The following SMOC2 variants were observed in gnomAD, a reference collection of about 807,000 sequenced individuals.
The protein encoded by SMOC2 is SPARC-related modular calcium-binding protein 2.
Under a neutral mutation model 61.4 loss-of-function variants are expected in SMOC2, and 39 were observed. The ratio of observed to expected loss-of-function variants is 0.64; its 90% CI spans 0.49 to 0.83. SMOC2 has a LOEUF of 0.83. SMOC2 is among the 40% of genes least tolerant of loss of function. SMOC2 has a pLI of 0.00. For missense variants in SMOC2, 556 were observed against 592.9 expected (o/e 0.94, Z 0.65); for synonymous variants, 247 against 239.9 (o/e 1.03, Z -0.27).
intron 9 of SMOC2, among the ~76,000 whole-genome samples, chr6:168,649,894 C>T (rs116131535): frequency 5.5e-4 from 84 of 152,296 alleles, no homozygotes; most frequent in African/African-American, 2.0e-3. Context: ...GCACCGGGAA[C>T]GGTCTCAGGA....
chr6:168,507,597 GC>G (rs1278345043), intron 1 of SMOC2, among the ~76,000 whole-genome samples: 1 of 152,178 alleles, frequency 6.6e-6, no homozygotes, highest in African/African-American at 2.4e-5. Flanking sequence ...CCCCCGGGGC[GC>G]CCCCCACTGC....
At chr6:168,611,655 C>T in intron 9 of SMOC2, among the ~76,000 whole-genome samples, 1 of 138,206 alleles carries the variant, frequency 7.2e-6, no homozygotes, top group East Asian at 2.2e-4. Flanking sequence ...CCGTGTCGGG[C>T]CTGGCTGTGG....
intron 4 of SMOC2, among the ~76,000 whole-genome samples, chr6:168,542,175 CTT>C (rs1490351670): frequency 6.6e-6 from 1 of 152,122 alleles, no homozygotes; most frequent in Non-Finnish European, 1.5e-5. Flanking sequence ...AGCTTAAGCT[CTT>C]TAAGAAATGT....
intron 11 of SMOC2, among the ~76,000 whole-genome samples, chr6:168,661,423 G>A (rs1311281595): frequency 6.6e-6 from 1 of 152,106 alleles, no homozygotes; most frequent in Non-Finnish European, 1.5e-5. Flanking sequence ...CCAACATGGT[G>A]AAACCCCGTC....
At chr6:168,541,031 C>G (rs147626076) in intron 4 of SMOC2, among the ~76,000 whole-genome samples, 2 of 152,246 alleles carry the variant, frequency 1.3e-5, no homozygotes, top group Non-Finnish European at 2.9e-5. Flanking sequence ...GTTGTTAAGG[C>G]TGAGAGCGGC....
intron 1 of SMOC2, among the ~76,000 whole-genome samples, chr6:168,484,841 C>T (rs1782292357): frequency 6.6e-6 from 1 of 152,190 alleles, no homozygotes; most frequent in African/African-American, 2.4e-5. Flanking sequence ...TGATAGAAGC[C>T]AGTCACTAAA....
At chr6:168,488,476 G>A (rs1782386430) in intron 1 of SMOC2, among the ~76,000 whole-genome samples, 2 of 152,228 alleles carry the variant, frequency 1.3e-5, no homozygotes, top group Admixed American at 6.5e-5. Flanking sequence ...AGCTCCTCCT[G>A]GGGCTGTGAA....
intron 1 of SMOC2, among the ~76,000 whole-genome samples, chr6:168,454,344 C>T (rs1281801928): frequency 2.6e-5 from 4 of 152,010 alleles, no homozygotes; most frequent in South Asian, 2.1e-4. Flanking sequence ...TAACCTCAGC[C>T]GAAATCTAAC....
chr6:168,529,257 G>A (rs977402517), intron 4 of SMOC2, among the ~76,000 whole-genome samples: 2 of 152,194 alleles, frequency 1.3e-5, no homozygotes, highest in African/African-American at 2.4e-5. Flanking sequence ...AATGGACTGG[G>A]GAAGAGAGTA....
intron 3 of SMOC2, 63 bp from the exon 4 acceptor site, chr6:168,527,565 C>A: frequency 8.2e-7 from 1 of 1,218,518 alleles, no homozygotes; most frequent in Non-Finnish European, 1.2e-6. Flanking sequence ...GAGTGGGCCT[C>A]GCAGCCGTGA....
chr6:168,656,431 C>G (rs1805291), intron 11 of SMOC2, among the ~76,000 whole-genome samples: 14,159 of 140,404 alleles, frequency 0.1, 1,103 homozygotes, highest in East Asian at 0.46. Context: ...TTGCTTGAAT[C>G]TGGGAGGCAG....
intron 2 of SMOC2, among the ~76,000 whole-genome samples, chr6:168,511,126 T>C (rs1782997098): frequency 6.6e-6 from 1 of 152,228 alleles, no homozygotes; most frequent in Admixed American, 6.5e-5. Flanking sequence ...AAGATAAGTA[T>C]ATAAATGAAG....
Position 168,535,108 on chromosome 6 carries a change from C to G in SMOC2, c.463+7381C>G, listed in dbSNP as rs1469754585. Among the ~76,000 whole-genome samples the G allele has an allele frequency of 6.6e-6, 1 of 151,878 alleles. No individual in the cohort carries two copies. The highest frequency in any genetic ancestry group is 1.5e-5 in the Non-Finnish European group (1 of 67,996). On this transcript the variant is annotated intron_variant, in intron 4 of 12. Coordinates refer to ENST00000356284, the MANE Select transcript of SMOC2 (RefSeq NM_001166412.2). This position sits in a 1 kb window ranked among gnomAD's most constrained non-coding sequence, Gnocchi z 4.6. ...GCCTCTGCCTCCGGAGTAGCTGGGA[C>G]TACAGGCACCCGCCACCACGCCCAG...
At chr6:168,449,269 C>T (rs1035798451) in intron 1 of SMOC2, among the ~76,000 whole-genome samples, 1 of 152,164 alleles carries the variant, frequency 6.6e-6, no homozygotes, top group Non-Finnish European at 1.5e-5. Context: ...GAAGTCGTAT[C>T]TCAGAACCAT....
intron 2 of SMOC2, among the ~76,000 whole-genome samples, chr6:168,518,686 ATG>A (rs144931633): frequency 0.24 from 35,211 of 145,420 alleles, 5,043 homozygotes; most frequent in East Asian, 0.41. Context: ...TTGTGTGTGA[ATG>A]TGTATGAGCG....
chr6:168,612,917 T>C (rs1210333794), intron 9 of SMOC2, among the ~76,000 whole-genome samples: 1 of 152,202 alleles, frequency 6.6e-6, no homozygotes, highest in African/African-American at 2.4e-5. Flanking sequence ...ATGGAGACTT[T>C]GATCTAAAGT....
chr6:168,493,247 G>C (rs1782511028), intron 1 of SMOC2, among the ~76,000 whole-genome samples: 1 of 152,080 alleles, frequency 6.6e-6, no homozygotes, highest in Non-Finnish European at 1.5e-5. Flanking sequence ...ATATTGGTCA[G>C]GCTGGTCTCG....
chr6:168,482,638 C>G (rs62424592), intron 1 of SMOC2, among the ~76,000 whole-genome samples: 27 of 152,082 alleles, frequency 1.8e-4, no homozygotes, highest in African/African-American at 6.5e-4. Flanking sequence ...TTATGAACAT[C>G]GATGCCAAAA....
chr6:168,551,535 C>T (rs1219666067), intron 7 of SMOC2, among the ~76,000 whole-genome samples: 6 of 151,960 alleles, frequency 3.9e-5, no homozygotes, highest in African/African-American at 1.5e-4. Context: ...CTCACTGTAA[C>T]CTCCGCCTCC....
Sources: allele counts gnomAD v4.1 joint callset (sites outside exome capture counted in the v4.1 genomes callset), GRCh38; gene constraint gnomAD v4.1.1; non-coding constraint Gnocchi (gnomAD v3.1); transcripts MANE v1.5; gene names NCBI Gene and HGNC (gene_info 2026-07-23, HGNC 2026-07-21).